MCF2L2: variants seen among roughly 807,000 people sequenced by gnomAD.
The protein encoded by MCF2L2 is probable guanine nucleotide exchange factor MCF2L2.
MCF2L2 carries 102 observed loss-of-function variants against 150.2 expected under a neutral mutation model. The ratio of observed to expected loss-of-function variants is 0.68; its 90% CI spans 0.58 to 0.80. The LOEUF is 0.80. MCF2L2 is among the 30% of genes least tolerant of loss of function. MCF2L2 has a pLI of 0.00. For synonymous variants in MCF2L2, 465 were observed against 491.3 expected (o/e 0.95, Z 0.71); for missense variants, 1,256 against 1,372.8 (o/e 0.91, Z 1.34).
chr3:183,278,409 C>T (rs1191083501), intron 14 of MCF2L2, among the ~76,000 whole-genome samples: 2 of 151,648 alleles, frequency 1.3e-5, no homozygotes, highest in African/African-American at 2.4e-5. Context: ...GATTCAAATT[C>T]GAACCAGTCC....
In MCF2L2 at chr3:183,207,598, C is replaced by T. The variant is rs375821537; in HGVS notation, c.2712+10G>A. ...AGGGCGACTCCCAGATGCAATAGGA[C>T]TCCCTTTACCTTCATGGTCTTCTTG... On this transcript the variant is annotated intron_variant, in intron 23 of 29. Coordinates refer to ENST00000328913, the MANE Select transcript of MCF2L2 (RefSeq NM_015078.4). The T allele has an allele frequency of 7.5e-6, 12 of 1,598,422 alleles. No homozygotes were observed. In the East Asian group the frequency reaches 1.1e-4, roughly 15 times the overall value.
intron 15 of MCF2L2, among the ~76,000 whole-genome samples, chr3:183,240,129 T>C (rs1723942433): frequency 6.6e-6 from 1 of 152,234 alleles, no homozygotes; most frequent in African/African-American, 2.4e-5. Context: ...CAGAGCAAGC[T>C]TTCAATTCCT....
Position 183,295,595 on chromosome 3 carries a change from ACCC to A in MCF2L2, c.1498-121_1498-119del, listed in dbSNP as rs148624219. 2.3e-3 allele frequency: 2,264 copies of A among 964,796 alleles called. 29 individuals carry two copies. The African/African-American group carries it at 0.033, about 14-fold the overall frequency. 59.8% of individuals were successfully genotyped at this position (964,796 alleles called of 1,614,324 possible). ...CCCCCATCCCTACCTCCCTCAGGTGACCCCCTCTGGGCATCACTATGCAAGTCG... is the reference window on the plus strand; with the variant it reads ...CCCCCATCCCTACCTCCCTCAGGTGACCTCTGGGCATCACTATGCAAGTCG... On this transcript the variant is annotated intron_variant, in intron 12 of 29. Coordinates refer to ENST00000328913, the MANE Select transcript of MCF2L2 (RefSeq NM_015078.4).
rs778873068 is a variant in MCF2L2, at chr3:183,310,926, C to G, written c.982G>C (p.Asp328His). 2.5e-6 allele frequency: 4 copies of G among 1,611,560 alleles called. 1 individual carries two copies. The East Asian group carries it at 6.7e-5, about 27-fold the overall frequency. The change falls in exon 9 of 30, where the codon GAT becomes CAT. Residue 328 changes from aspartate to histidine, a missense_variant. Asp to His is a moderately conservative substitution (Grantham distance 81). Coordinates refer to ENST00000328913, the MANE Select transcript of MCF2L2 (RefSeq NM_015078.4). ...CAAGAAAAGAATACCTTACAAAAAT[C>G]GTGCTCAAAATGCTGTAGTTGTAGG... Reference protein sequence around the residue: ...QCLQLQHFEHDFCKAKLALDN... With the variant: ...QCLQLQHFEHHFCKAKLALDN...
At chr3:183,422,049 A>G (rs1169785656) in intron 1 of MCF2L2, among the ~76,000 whole-genome samples, 1 of 152,144 alleles carries the variant, frequency 6.6e-6, no homozygotes, top group Non-Finnish European at 1.5e-5. Context: ...TATCGTTTTC[A>G]ACAATGCCCT....
chr3:183,355,122 C>A (rs1361087421), intron 3 of MCF2L2, among the ~76,000 whole-genome samples: 2 of 151,060 alleles, frequency 1.3e-5, no homozygotes, highest in South Asian at 4.2e-4. Context: ...TCTAATGGAT[C>A]CCATCCCCTC....
At chr3:183,425,120 G>A (rs1027816316) in intron 1 of MCF2L2, among the ~76,000 whole-genome samples, 4 of 152,178 alleles carry the variant, frequency 2.6e-5, no homozygotes, top group Non-Finnish European at 4.4e-5. Context: ...TAGTTAAAAG[G>A]AAATGAAGTC....
intron 15 of MCF2L2, among the ~76,000 whole-genome samples, chr3:183,251,180 T>TA (rs1372603941): frequency 6.6e-6 from 1 of 152,222 alleles, no homozygotes; most frequent in Non-Finnish European, 1.5e-5. Context: ...ACAGGTTCCC[T>TA]ATAGGGCCTG....
In MCF2L2 at chr3:183,428,027, A is replaced by G. The variant is rs1487895834; in HGVS notation, c.-50T>C. On this transcript the variant is annotated 5_prime_UTR_variant, in exon 1 of 30. The change abolishes the stop of an existing upstream ORF in the 5' untranslated region. Coordinates refer to ENST00000328913, the MANE Select transcript of MCF2L2 (RefSeq NM_015078.4). The surrounding 1 kb of genome is among the most constrained non-coding windows in gnomAD (Gnocchi z 5.1). ...AATAAAGCCAAACAAAACTGTTTCTACCGCTGCGGTGGATGATTTTTTAAA... is the reference window on the plus strand; with the variant it reads ...AATAAAGCCAAACAAAACTGTTTCTGCCGCTGCGGTGGATGATTTTTTAAA... 1 of 1,410,378 alleles carries G rather than the reference A, an allele frequency of 7.1e-7. No homozygotes were observed. The highest frequency in any genetic ancestry group is 1.0e-6 in the Non-Finnish European group (1 of 995,312). The allele number at this position is 1,410,378 out of a possible 1,614,324, so 87.4% of individuals were successfully genotyped here.
chr3:183,297,510 T>C, intron 11 of MCF2L2: 1 of 226,856 alleles, frequency 4.4e-6, no homozygotes. Context: ...TGGAGTACAG[T>C]AGTGCAATTA....
chr3:183,257,094 T>C (rs1020937472), intron 15 of MCF2L2, among the ~76,000 whole-genome samples: 4 of 152,100 alleles, frequency 2.6e-5, no homozygotes, highest in African/African-American at 7.2e-5. Context: ...AACTAACCCA[T>C]CCTGGTAAAG....
chr3:183,250,512 G>A (rs927237709), intron 15 of MCF2L2, among the ~76,000 whole-genome samples: 8 of 152,040 alleles, frequency 5.3e-5, no homozygotes, highest in East Asian at 1.9e-4. Context: ...ACTTGAACCC[G>A]GGAGGCAGAG....
chr3:183,395,570 C>T (rs1714389171), intron 1 of MCF2L2, among the ~76,000 whole-genome samples: 1 of 152,134 alleles, frequency 6.6e-6, no homozygotes, highest in African/African-American at 2.4e-5. Flanking sequence ...CTTAAGCATA[C>T]AGTTTGAGGA....
At position 183,270,579 on chromosome 3, in the gene MCF2L2, T is replaced by TCC. The variant is rs1385280373; in HGVS notation, c.1862+6291_1862+6292dup. 1 of 1,614,150 alleles carries TCC rather than the reference T, an allele frequency of 6.2e-7. No individual in the cohort carries two copies. The highest frequency in any genetic ancestry group is 1.7e-5 in the Admixed American group (1 of 60,028). ...CACAGCCGGAGCTGCCTATGTAATC[T>TCC]CCGGTGATGTAGCTGCCAAAGTCTA... is the stretch of plus-strand genomic sequence containing the variant. On this transcript the variant is annotated intron_variant, in intron 15 of 29. Coordinates refer to ENST00000328913, the MANE Select transcript of MCF2L2 (RefSeq NM_015078.4). This position sits in a 1 kb window ranked among gnomAD's most constrained non-coding sequence, Gnocchi z 4.5.
At chr3:183,320,894 T>C (rs796090794) in intron 6 of MCF2L2, among the ~76,000 whole-genome samples, 2 of 152,330 alleles carry the variant, frequency 1.3e-5, no homozygotes, top group African/African-American at 4.8e-5. Context: ...AGGCCATTCT[T>C]CCTTTCACTT....
At chr3:183,317,489 G>A (rs1002111227) in intron 7 of MCF2L2, among the ~76,000 whole-genome samples, 4 of 152,232 alleles carry the variant, frequency 2.6e-5, no homozygotes, top group Non-Finnish European at 4.4e-5. Context: ...GTGCTTTTAC[G>A]AATCATTTAA....
At chr3:183,410,383 G>T (rs185697114) in intron 1 of MCF2L2, among the ~76,000 whole-genome samples, 96 of 152,242 alleles carry the variant, frequency 6.3e-4, no homozygotes, top group African/African-American at 2.1e-3. Flanking sequence ...GCCTACAAGC[G>T]TCCTCTCCAA....
intron 15 of MCF2L2, 51 bp from the exon 16 acceptor site, chr3:183,231,068 G>A: frequency 1.5e-6 from 2 of 1,338,566 alleles, no homozygotes; most frequent in Non-Finnish European, 2.1e-6. Flanking sequence ...ACAGGGAGAG[G>A]AGAATGTTCT....
At chr3:183,298,860 A>C (rs1728694035) in intron 11 of MCF2L2, 1 of 152,362 alleles carries the variant, frequency 6.6e-6, no homozygotes, top group Admixed American at 6.6e-5. Context: ...CAGCGAGCTC[A>C]GCACACAGAG....
Sources: allele counts gnomAD v4.1 joint callset (sites outside exome capture counted in the v4.1 genomes callset), GRCh38; gene constraint gnomAD v4.1.1; non-coding constraint Gnocchi (gnomAD v3.1); transcripts MANE v1.5; gene names NCBI Gene and HGNC (gene_info 2026-07-23, HGNC 2026-07-21).